Variants in MCF2L2 observed in about 807,000 individuals in gnomAD.
MCF2L2 encodes the protein MCF.2 cell line derived transforming sequence-like 2, also known as probable guanine nucleotide exchange factor MCF2L2.
In MCF2L2, 102 loss-of-function variants were observed where a neutral mutation model predicts 150.2. That is an observed-to-expected ratio of 0.68 (90% confidence interval 0.58 to 0.80). MCF2L2 has a LOEUF of 0.80. Among genes scored for constraint, MCF2L2 ranks in the 30% least tolerant of loss-of-function variants. The pLI is 0.00. For missense variants in MCF2L2, 1,256 were observed against 1,372.8 expected, an observed-to-expected ratio of 0.91 and a Z score of 1.34; for synonymous variants, 465 against 491.3, an observed-to-expected ratio of 0.95 and a Z score of 0.71.
chr3:183,282,243 A>G (rs991075092), intron 14 of MCF2L2, among the ~76,000 whole-genome samples: 23 of 151,728 alleles, frequency 1.5e-4, no homozygotes, highest in African/African-American at 5.6e-4. Context: ...CAGTGGTGCA[A>G]TCTCAGCTCA....
At chr3:183,187,849 A>G (rs1721750715) in intron 27 of MCF2L2, among the ~76,000 whole-genome samples, 1 of 152,024 alleles carries the variant, frequency 6.6e-6, no homozygotes, top group Non-Finnish European at 1.5e-5. Flanking sequence ...GTAGGTCCTT[A>G]CTGAATCTTA....
intron 13 of MCF2L2, among the ~76,000 whole-genome samples, chr3:183,292,076 T>G (rs1052529992): frequency 1.4e-5 from 2 of 146,880 alleles, no homozygotes; most frequent in South Asian, 2.3e-4. Context: ...TGTGAGAGTG[T>G]ATGTGTGTGG....
chr3:183,360,492 G>A lies in MCF2L2; in HGVS notation c.275+18805C>T, dbSNP rs111330862. 3.9e-3 allele frequency among the ~76,000 whole-genome samples: 586 copies of A among 152,100 alleles called. 4 individuals are homozygous for A. The highest frequency in any genetic ancestry group is 0.017 in the Middle Eastern group (5 of 294). The stretch of plus-strand genomic sequence containing the variant: ...TGAAGTAGGAGGATTGCTTGAGTCC[G>A]GGAGTTCAAGGCTGCAGTTAGCTAT... On this transcript the variant is annotated intron_variant, in intron 3 of 29. Coordinates refer to ENST00000328913, the MANE Select transcript of MCF2L2 (RefSeq NM_015078.4).
chr3:183,264,985 C>CA (rs1343763301), intron 15 of MCF2L2, among the ~76,000 whole-genome samples: 1 of 152,194 alleles, frequency 6.6e-6, no homozygotes, highest in Non-Finnish European at 1.5e-5. Context: ...CCCTTCTTCT[C>CA]AGTCCAAATA....
At chr3:183,257,811 G>GT (rs1291758588) in intron 15 of MCF2L2, among the ~76,000 whole-genome samples, 2 of 151,536 alleles carry the variant, frequency 1.3e-5, no homozygotes, top group African/African-American at 4.9e-5. Context: ...CCTTTTTTCC[G>GT]TTTTTTCCCT....
At chr3:183,332,221 T>C (rs1730301827) in intron 5 of MCF2L2, among the ~76,000 whole-genome samples, 1 of 152,204 alleles carries the variant, frequency 6.6e-6, no homozygotes, top group Non-Finnish European at 1.5e-5. Context: ...GACTCTGCCG[T>C]TTCTGGAGCA....
chr3:183,205,157 G>A (rs1005216499), intron 25 of MCF2L2, among the ~76,000 whole-genome samples: 34 of 152,188 alleles, frequency 2.2e-4, no homozygotes, highest in Admixed American at 1.6e-3. Flanking sequence ...GAGGCAGGCA[G>A]ATCATAAGGT....
chr3:183,218,204 A>G (rs1416388542), intron 21 of MCF2L2, among the ~76,000 whole-genome samples: 2 of 152,224 alleles, frequency 1.3e-5, no homozygotes, highest in Admixed American at 1.3e-4. Flanking sequence ...AGGGCTGATG[A>G]ATGGAATAGA....
intron 1 of MCF2L2, among the ~76,000 whole-genome samples, chr3:183,392,038 C>G (rs146085016): frequency 1.3e-3 from 202 of 152,230 alleles, no homozygotes; most frequent in African/African-American, 4.5e-3. Flanking sequence ...GAGGCACAAA[C>G]CACCACGCCT....
chr3:183,332,899 G>A (rs932423896), intron 5 of MCF2L2, among the ~76,000 whole-genome samples: 1 of 151,982 alleles, frequency 6.6e-6, no homozygotes, highest in African/African-American at 2.4e-5. Flanking sequence ...AGAAAAGAAA[G>A]GATTTTCAGA....
intron 22 of MCF2L2, among the ~76,000 whole-genome samples, chr3:183,214,057 A>G (rs10937118): frequency 0.52 from 79,048 of 151,908 alleles, 21,999 homozygotes; most frequent in East Asian, 0.7. Flanking sequence ...ATTAGGGCAG[A>G]ATGTTATTTG....
intron 18 of MCF2L2, chr3:183,226,504 A>G (rs1282919505): frequency 6.6e-6 from 1 of 152,244 alleles, no homozygotes; most frequent in Non-Finnish European, 1.5e-5. Context: ...CATAGGGCTA[A>G]GTCAGTGTTT....
At chr3:183,223,302 G>T in intron 20 of MCF2L2, 44 bp downstream of exon 20, 2 of 1,450,614 alleles carry the variant, frequency 1.4e-6, no homozygotes, top group Non-Finnish European at 9.7e-7. Context: ...CAGTGCAGGC[G>T]TCTGGTTTCC....
chr3:183,210,867 G>A (rs1031415777), intron 22 of MCF2L2, among the ~76,000 whole-genome samples: 3 of 152,290 alleles, frequency 2.0e-5, no homozygotes, highest in Admixed American at 2.0e-4. Context: ...AGTAATCAGA[G>A]GATGTGAATC....
At position 183,347,715 on chromosome 3, in the gene MCF2L2, AC is replaced by A. The variant is rs1349419369; in HGVS notation, c.276-6086del. Among the ~76,000 whole-genome samples the A allele has an allele frequency of 6.6e-5, 10 of 152,206 alleles. 1 individual carries two copies. The highest frequency in any genetic ancestry group is 6.5e-4 in the Admixed American group (10 of 15,280). On this transcript the variant is annotated intron_variant, in intron 3 of 29. Transcript: ENST00000328913. ...ACTTAAACAAATTTACCAGAAAAAA[AC>A]AACCTCATCAAAAAGTGGGTGAAGG...
chr3:183,373,053 T>G (rs962602364), intron 3 of MCF2L2: 1 of 152,218 alleles, frequency 6.6e-6, no homozygotes, highest in African/African-American at 2.4e-5. Context: ...ACCATCTGGC[T>G]CTACTCTGTA....
chr3:183,309,640 T>C, intron 10 of MCF2L2, 76 bp downstream of exon 10: 1 of 1,593,880 alleles, frequency 6.3e-7, no homozygotes, highest in South Asian at 1.1e-5. Flanking sequence ...AACCTTCCAA[T>C]AGCAATGACT....
At chr3:183,215,312 CT>C (rs938608534) in intron 22 of MCF2L2, among the ~76,000 whole-genome samples, 3 of 152,126 alleles carry the variant, frequency 2.0e-5, no homozygotes, top group African/African-American at 7.2e-5. Flanking sequence ...ATCTAGAGTA[CT>C]TCAAAGTAAA....
At chr3:183,290,533 C>CTTTT (rs1209415171) in intron 13 of MCF2L2, among the ~76,000 whole-genome samples, 2 of 151,426 alleles carry the variant, frequency 1.3e-5, no homozygotes, top group African/African-American at 2.4e-5. Context: ...GCATTTCTTT[C>CTTTT]TTTCTTTCTT....
Sources: gnomAD v4.1 joint callset for allele counts (sites outside exome capture counted in the v4.1 genomes callset) on GRCh38, gnomAD v4.1.1 for gene constraint, MANE v1.5 for transcripts, NCBI Gene and HGNC (gene_info 2026-07-23, HGNC 2026-07-21) for gene names.